SCLT1: variants seen among roughly 807,000 people sequenced by gnomAD.
The protein encoded by SCLT1 is sodium channel-associated protein 1.
Under a neutral mutation model 112.8 loss-of-function variants are expected in SCLT1, and 78 were observed. That is an observed-to-expected ratio of 0.69 (90% CI 0.58 to 0.83). SCLT1 has a LOEUF of 0.83. Ranked by LOEUF, SCLT1 falls within the 40% of genes least tolerant of loss-of-function variation. SCLT1 has a pLI of 0.00. For missense variants in SCLT1, 747 were observed against 770.4 expected (o/e 0.97, Z 0.36); for synonymous variants, 257 against 254.7 (o/e 1.01, Z -0.09).
intron 2 of SCLT1, among the ~76,000 whole-genome samples, chr4:129,057,514 T>G (rs1275251316): frequency 1.3e-5 from 2 of 148,650 alleles, no homozygotes; most frequent in Non-Finnish European, 3.0e-5. Context: ...TCTTTAAATG[T>G]TTTGGTAGAA....
At chr4:129,022,609 A>G (rs57959838) in intron 5 of SCLT1, among the ~76,000 whole-genome samples, 2,138 of 152,310 alleles carry the variant, frequency 0.014, 51 homozygotes, top group African/African-American at 0.046. Context: ...AAGCATGAAA[A>G]GGAATGAACA....
intron 17 of SCLT1, 57 bp downstream of exon 17, chr4:128,942,939 A>C: frequency 7.4e-7 from 1 of 1,348,038 alleles, no homozygotes; most frequent in Non-Finnish European, 1.0e-6. Flanking sequence ...GTCTCTCTAA[A>C]TATTCTCTAT....
intron 2 of SCLT1, among the ~76,000 whole-genome samples, chr4:129,068,359 T>C (rs1750679914): frequency 6.6e-6 from 1 of 152,202 alleles, no homozygotes; most frequent in South Asian, 2.1e-4. Flanking sequence ...GTGTTCCCTG[T>C]TCACTGCATC....
chr4:128,999,668 T>G lies in SCLT1; in HGVS notation c.549+4A>C. The G allele has an allele frequency of 6.3e-7, 1 of 1,593,788 alleles. No homozygotes were observed. On this transcript the variant is annotated splice_donor_region_variant and intron_variant, in intron 7 of 20. Transcript: ENST00000281142. ...TACAAGAAAATGATGAAATCCAAGA[T>G]TACCTTTTGTTTTTGACTTTCAAAT...
chr4:129,090,033 TC>T (rs1330803406), intron 1 of SCLT1, among the ~76,000 whole-genome samples: 2 of 152,064 alleles, frequency 1.3e-5, no homozygotes, highest in Non-Finnish European at 2.9e-5. Context: ...AAATGTTATT[TC>T]TACATACTAG....
intron 2 of SCLT1, among the ~76,000 whole-genome samples, chr4:129,062,446 A>G (rs1750070382): frequency 6.6e-6 from 1 of 152,114 alleles, no homozygotes; most frequent in Admixed American, 6.5e-5. Context: ...CCACCATTAC[A>G]GTGTCAGAAT....
intron 18 of SCLT1, among the ~76,000 whole-genome samples, chr4:128,896,737 G>A (rs1164136990): frequency 6.6e-6 from 1 of 152,050 alleles, no homozygotes; most frequent in Non-Finnish European, 1.5e-5. Flanking sequence ...AGCTAAAGTA[G>A]GAAGTTTGAA....
At chr4:128,959,545 A>G (rs1438216171) in intron 12 of SCLT1, 55 bp downstream of exon 12, 1 of 1,339,500 alleles carries the variant, frequency 7.5e-7, no homozygotes, top group Non-Finnish European at 1.1e-6. Flanking sequence ...GTGAGGTCAC[A>G]TGGGAGAATA....
chr4:128,912,383 C>T (rs947845655), intron 18 of SCLT1, among the ~76,000 whole-genome samples: 1 of 151,892 alleles, frequency 6.6e-6, no homozygotes, highest in African/African-American at 2.4e-5. Flanking sequence ...TAGATTATCA[C>T]CTTTGTAACG....
At chr4:128,970,750 T>C in intron 9 of SCLT1, 1 of 256,520 alleles carries the variant, frequency 3.9e-6, no homozygotes, top group South Asian at 7.5e-5. Flanking sequence ...ATAAGTTTCT[T>C]GAAAAAGCAC....
At chr4:128,954,747 T>C (rs1739079779) in intron 13 of SCLT1, among the ~76,000 whole-genome samples, 1 of 152,232 alleles carries the variant, frequency 6.6e-6, no homozygotes, top group Admixed American at 6.5e-5. Context: ...TTAGGTACTA[T>C]TCAGAGTGCT....
At chr4:129,072,103 C>A (rs1751067334) in intron 2 of SCLT1, among the ~76,000 whole-genome samples, 1 of 152,082 alleles carries the variant, frequency 6.6e-6, no homozygotes, top group Non-Finnish European at 1.5e-5. Context: ...AAAATCTTGG[C>A]TGATAATTGT....
chr4:128,949,206 G>A (rs1022641936), intron 14 of SCLT1, among the ~76,000 whole-genome samples: 1 of 146,916 alleles, frequency 6.8e-6, no homozygotes, highest in Non-Finnish European at 1.5e-5. Flanking sequence ...AATGGGTAAT[G>A]TGTATGGCTT....
chr4:129,016,936 C>A (rs1318083811), intron 5 of SCLT1, among the ~76,000 whole-genome samples: 1 of 152,182 alleles, frequency 6.6e-6, no homozygotes, highest in Non-Finnish European at 1.5e-5. Flanking sequence ...CCTACTCTGT[C>A]ATTAATGTAA....
chr4:128,915,730 A>ATTCATTCC (rs1347372023), intron 18 of SCLT1, among the ~76,000 whole-genome samples: 20 of 152,226 alleles, frequency 1.3e-4, no homozygotes, highest in African/African-American at 4.8e-4. Context: ...TCATTCATTC[A>ATTCATTCC]TTCATTCATT....
At chr4:128,899,036 T>C (rs318527) in intron 18 of SCLT1, among the ~76,000 whole-genome samples, 110,509 of 152,028 alleles carry the variant, frequency 0.73, 40,474 homozygotes, top group African/African-American at 0.82. Flanking sequence ...TAATTCATAG[T>C]TTACCAACCA....
chr4:128,954,316 AG>A (rs1739034562), intron 13 of SCLT1, among the ~76,000 whole-genome samples: 1 of 113,840 alleles, frequency 8.8e-6, no homozygotes, highest in Admixed American at 1.0e-4. Flanking sequence ...GGTCTATTTT[AG>A]TTTTTTTTTT....
intron 5 of SCLT1, among the ~76,000 whole-genome samples, chr4:129,011,932 C>T (rs541933087): frequency 6.6e-6 from 1 of 152,030 alleles, no homozygotes; most frequent in Non-Finnish European, 1.5e-5. Flanking sequence ...CTCTTTTCTT[C>T]TTTATTAGTC....
At chr4:128,981,736 A>G (rs914480069) in intron 9 of SCLT1, among the ~76,000 whole-genome samples, 6 of 150,478 alleles carry the variant, frequency 4.0e-5, no homozygotes, top group African/African-American at 1.5e-4. Flanking sequence ...CTGCTCTCCC[A>G]CAAAAAAAAA....
Sources: gnomAD v4.1 joint callset for allele counts (sites outside exome capture counted in the v4.1 genomes callset) on GRCh38, gnomAD v4.1.1 for gene constraint, MANE v1.5 for transcripts, NCBI Gene and HGNC (gene_info 2026-07-23, HGNC 2026-07-21) for gene names.